ACAD10: variants seen among roughly 807,000 people sequenced by gnomAD.
ACAD10 encodes the protein acyl-CoA dehydrogenase family member 10, also known as ACAD-10.
Under a neutral mutation model 116.8 loss-of-function variants are expected in ACAD10, and 112 were observed. That is an observed-to-expected ratio of 0.96 (90% CI 0.82 to 1.12). The LOEUF (loss-of-function observed/expected upper bound fraction) is 1.12, where lower values mean the gene tolerates loss of function less well. ACAD10 is among the 50% of genes most tolerant of loss of function. The probability of loss-of-function intolerance (pLI) is 0.00; values close to 1 mark genes in which losing one functional copy is unlikely to be tolerated. For missense variants in ACAD10, 1,259 were observed against 1,350.2 expected, an observed-to-expected ratio of 0.93 and a Z score of 1.06; for synonymous variants, 486 against 510.6, an observed-to-expected ratio of 0.95 and a Z score of 0.65.
chr12:111,693,377 GAAATTTAA>G (rs947021708), intron 2 of ACAD10, among the ~76,000 whole-genome samples: 1 of 152,178 alleles, frequency 6.6e-6, no homozygotes, highest in African/African-American at 2.4e-5. Context: ...CGTATCTGCA[GAAATTTAA>G]AAATTATCTG....
At position 111,746,274 on chromosome 12, in the gene ACAD10, A is replaced by G. The variant is rs756045472; in HGVS notation, c.2246A>G (p.Tyr749Cys). 1.2e-6 allele frequency: 2 copies of G among 1,612,514 alleles called. No homozygotes were observed. The highest frequency in any genetic ancestry group is 1.7e-6 in the Non-Finnish European group (2 of 1,179,500). Residue 749 changes from tyrosine (Y) to cysteine (C), a missense_variant, in exon 14 of 21, where the codon TAT (tyrosine) becomes TGT (cysteine). Transcript: ENST00000313698. ...HLCELMGTSL[Y>C]APEVCNCSAP... ...TGTGAGCTCATGGGCACGTCCCTGTATGCCCCCGAGGTACCTTCTTTAAAG... is the reference window on the plus strand; with the variant it reads ...TGTGAGCTCATGGGCACGTCCCTGTGTGCCCCCGAGGTACCTTCTTTAAAG...
At position 111,756,618 on chromosome 12, in the gene ACAD10, C is replaced by A. The variant is rs1285049452; in HGVS notation, c.*145C>A. Reference sequence around the variant, plus strand: ...CCGGGACAGTCAGGGTGGACTCAATCTTTCTGGTTCTCCACAGAAGACGTC... The same window carrying A: ...CCGGGACAGTCAGGGTGGACTCAATATTTCTGGTTCTCCACAGAAGACGTC... On this transcript the variant is annotated 3_prime_UTR_variant, in exon 21 of 21. Transcript: ENST00000313698. The A allele has an allele frequency of 3.1e-6, 4 of 1,285,288 alleles. No homozygotes were observed. Among genetic ancestry groups the A allele is most frequent in the Non-Finnish European group, 4.3e-6 (4 of 920,186 alleles). The allele number at this position is 1,285,288 out of a possible 1,614,324, so 79.6% of individuals were successfully genotyped here.
chr12:111,744,045 G>A (rs1889821104), intron 12 of ACAD10, among the ~76,000 whole-genome samples: 1 of 152,066 alleles, frequency 6.6e-6, no homozygotes, highest in Non-Finnish European at 1.5e-5. Context: ...ACCGCACCTG[G>A]CCACCTTAAT....
Position 111,691,541 on chromosome 12 carries a change from G to A in ACAD10, c.-13-1156G>A, listed in dbSNP as rs549301234. ...AACTGCATGTAGATGTGTATGTCCAGATCATCCCAGGTTGAGATGAAAAAA... is the reference window on the plus strand; with the variant it reads ...AACTGCATGTAGATGTGTATGTCCAAATCATCCCAGGTTGAGATGAAAAAA... On this transcript the variant is annotated intron_variant, in intron 1 of 20. Transcript: ENST00000313698. Among the ~76,000 whole-genome samples the A allele has an allele frequency of 2.5e-3, 386 of 151,794 alleles. 4 individuals carry two copies. Among genetic ancestry groups the A allele is most frequent in the African/African-American group, 8.8e-3 (364 of 41,436 alleles).
intron 12 of ACAD10, among the ~76,000 whole-genome samples, chr12:111,741,620 T>C (rs1889745352): frequency 6.6e-6 from 1 of 152,136 alleles, no homozygotes; most frequent in African/African-American, 2.4e-5. Context: ...TTTCCCTCCC[T>C]CTGGGAAGCC....
In ACAD10 at chr12:111,728,024, C is replaced by T. The variant is rs1388621947; in HGVS notation, c.1124C>T (p.Ser375Phe). The change falls in exon 9 of 21, where the codon TCC becomes TTC. Residue 375 changes from serine (S) to phenylalanine (F), a missense_variant. Physicochemically the swap from Ser to Phe is radical, Grantham distance 155. Coordinates refer to ENST00000313698, the MANE Select transcript of ACAD10 (RefSeq NM_025247.6). ...CCAGGTCTCATCTACAAAGACCCTT[C>T]CCTGCCAGGCTTGGAGCCCAGCCAC... is the stretch of plus-strand genomic sequence containing the variant. The part of the protein sequence containing the change: ...YCPGLIYKDP[S>F]LPGLEPSHRR... The T allele has an allele frequency of 1.2e-6, 2 of 1,614,044 alleles. No homozygotes were observed. The highest frequency in any genetic ancestry group is 2.7e-5 in the African/African-American group (2 of 74,918).
intron 8 of ACAD10, 102 bp downstream of exon 8, chr12:111,721,841 G>T (rs1889022353): frequency 2.0e-6 from 2 of 1,007,850 alleles, no homozygotes; most frequent in East Asian, 5.2e-5. Context: ...TAAAATTTGG[G>T]TAGGAGGGAA....
At position 111,749,035 on chromosome 12, in the gene ACAD10, T is replaced by C. The variant is rs757518287; in HGVS notation, c.2645-138T>C. 9.9e-6 allele frequency: 16 copies of C among 1,613,034 alleles called. No individual in the cohort carries two copies. The South Asian group carries it at 1.7e-4, about 17-fold the overall frequency. On this transcript the variant is annotated intron_variant, in intron 17 of 20. Transcript: ENST00000313698. ...GGCTGTTTCCTGCCGTCCTTTTCCCTTTAACCATGTCCCAGTAAGAAGGCT... is the reference window on the plus strand; with the variant it reads ...GGCTGTTTCCTGCCGTCCTTTTCCCCTTAACCATGTCCCAGTAAGAAGGCT...
At chr12:111,731,575 C>T (rs903136229) in intron 10 of ACAD10, among the ~76,000 whole-genome samples, 20 of 152,184 alleles carry the variant, frequency 1.3e-4, no homozygotes, top group African/African-American at 4.8e-4. Context: ...CCAGTGCAGT[C>T]TGAGCACCCC....
chr12:111,756,131 G>T, intron 20 of ACAD10: 1 of 1,423,886 alleles, frequency 7.0e-7, no homozygotes, highest in Non-Finnish European at 9.1e-7. Flanking sequence ...TGCAGAGTGG[G>T]CCTGGGGAGT....
At chr12:111,690,590 A>T (rs1187914112) in intron 1 of ACAD10, 2 of 151,876 alleles carry the variant, frequency 1.3e-5, no homozygotes, top group African/African-American at 4.8e-5. Context: ...TTTGATACCA[A>T]CCTGACCAAC....
chr12:111,749,381 A>G (rs1407209292), intron 18 of ACAD10, 36 bp downstream of exon 18: 1 of 1,584,878 alleles, frequency 6.3e-7, no homozygotes, highest in African/African-American at 1.3e-5. Context: ...ACTGACTCAG[A>G]ACCACCACCT....
intron 18 of ACAD10, among the ~76,000 whole-genome samples, chr12:111,751,315 T>TA (rs576803165): frequency 9.3e-5 from 14 of 151,144 alleles, no homozygotes; most frequent in Admixed American, 1.3e-4. Flanking sequence ...CACTTAAATT[T>TA]AAAAAAAAAG....
intron 2 of ACAD10, among the ~76,000 whole-genome samples, chr12:111,699,894 T>G (rs1303652250): frequency 3.3e-5 from 5 of 152,152 alleles, no homozygotes; most frequent in African/African-American, 1.2e-4. Context: ...CTCCCCAGCC[T>G]GGGCAACAGC....
chr12:111,714,387 A>G (rs1888781796), intron 6 of ACAD10, among the ~76,000 whole-genome samples: 1 of 151,878 alleles, frequency 6.6e-6, no homozygotes, highest in African/African-American at 2.4e-5. Context: ...CTTTTGGGCC[A>G]GGGGTGGTGG....
intron 8 of ACAD10, among the ~76,000 whole-genome samples, chr12:111,723,268 C>T (rs1452753374): frequency 3.2e-4 from 40 of 126,726 alleles, no homozygotes; most frequent in East Asian, 5.1e-4. Context: ...TAGGGGCGGC[C>T]GGGCAGAGGC....
chr12:111,687,914 G>A (rs922711111), intron 1 of ACAD10: 2 of 151,702 alleles, frequency 1.3e-5, no homozygotes, highest in African/African-American at 2.4e-5. Flanking sequence ...CTGTCGCCCA[G>A]GCTGGAGTGC....
intron 10 of ACAD10, among the ~76,000 whole-genome samples, chr12:111,731,650 G>A (rs1354156012): frequency 6.6e-6 from 1 of 152,236 alleles, no homozygotes; most frequent in Non-Finnish European, 1.5e-5. Flanking sequence ...GGCATCCTCT[G>A]ATTTTAGAGA....
rs575594373 is a variant in ACAD10 at position 111,694,341 on chromosome 12, T to C, written c.187+1445T>C. On this transcript the variant is annotated intron_variant, in intron 2 of 20. Transcript: ENST00000313698. Reference sequence around the variant, plus strand: ...GCTGTTCCAGACTGTCCACTCCCCCTGCTCCTTACCACCCCCAAATATTCT... The same window carrying C: ...GCTGTTCCAGACTGTCCACTCCCCCCGCTCCTTACCACCCCCAAATATTCT... 1.4e-3 allele frequency among the ~76,000 whole-genome samples: 220 copies of C among 152,302 alleles called. 1 individual carries two copies. The highest frequency in any genetic ancestry group is 2.7e-3 in the Non-Finnish European group (181 of 68,032).
Sources: gnomAD v4.1 joint callset for allele counts (sites outside exome capture counted in the v4.1 genomes callset) on GRCh38, gnomAD v4.1.1 for gene constraint, MANE v1.5 for transcripts, NCBI Gene and HGNC (gene_info 2026-07-23, HGNC 2026-07-21) for gene names.